The following RNF17 variants were observed in gnomAD, a reference collection of about 807,000 sequenced individuals.
RNF17 encodes ring finger protein 17.
A neutral mutation model predicts 200.5 loss-of-function variants in RNF17; 31 were observed. That is an observed-to-expected ratio of 0.15 (90% CI 0.12 to 0.21). The LOEUF is 0.21. Among genes scored for constraint, RNF17 ranks in the 10% least tolerant of loss-of-function variants. The probability of loss-of-function intolerance (pLI) is 1.00; values close to 1 mark genes in which losing one functional copy is unlikely to be tolerated. For synonymous variants in RNF17, 606 were observed against 637.8 expected (o/e 0.95, Z 0.75); for missense variants, 1,628 against 1,905.1 (o/e 0.85, Z 2.71).
At chr13:24,885,667 T>A in the RNF17 span, 1 of 1,610,748 alleles carries the variant, frequency 6.2e-7, no homozygotes, top group Non-Finnish European at 8.5e-7. Flanking sequence ...TCGAGGTGGA[T>A]TGCCTATTAG....
the RNF17 span, among the ~76,000 whole-genome samples, chr13:24,886,991 C>G: frequency 6.6e-6 from 1 of 152,038 alleles, no homozygotes; most frequent in South Asian, 2.1e-4. Context: ...AGCACACTGT[C>G]TAGAGGACTG....
At chr13:24,813,345 A>G (rs1293638734) in intron 15 of RNF17, among the ~76,000 whole-genome samples, 5 of 151,946 alleles carry the variant, frequency 3.3e-5, no homozygotes, top group African/African-American at 1.2e-4. Context: ...TTGTAGACAC[A>G]GGGTCTTGCT....
At chr13:24,883,821 T>C (rs369590525), downstream of RNF17, 36 of 881,714 alleles carry the variant, frequency 4.1e-5, no homozygotes, top group African/African-American at 4.6e-4. Context: ...TTGACTGACA[T>C]GCCTGTGGGA....
At chr13:24,806,418 G>A (rs576612872) in intron 15 of RNF17, among the ~76,000 whole-genome samples, 44 of 152,226 alleles carry the variant, frequency 2.9e-4, no homozygotes, top group African/African-American at 1.1e-3. Flanking sequence ...TCTGGTTCTA[G>A]ATCCTTGAGG....
chr13:24,749,405 G>C, the RNF17 span, among the ~76,000 whole-genome samples: 1 of 148,716 alleles, frequency 6.7e-6, no homozygotes, highest in Admixed American at 6.9e-5. Context: ...CCGGGTTCAA[G>C]CAATTCTCCT....
At chr13:24,861,600 G>A (rs748051929) in intron 27 of RNF17, among the ~76,000 whole-genome samples, 3 of 152,170 alleles carry the variant, frequency 2.0e-5, no homozygotes, top group Non-Finnish European at 2.9e-5. Flanking sequence ...TAAATGAAGA[G>A]ACATGTTCAT....
intron 33 of RNF17, among the ~76,000 whole-genome samples, chr13:24,876,720 TTAGAG>T (rs917607567): frequency 8.0e-4 from 121 of 152,162 alleles, no homozygotes; most frequent in African/African-American, 2.8e-3. Flanking sequence ...TTGTAGATCT[TTAGAG>T]TAATGTCCGT....
chr13:24,832,047 A>G, intron 18 of RNF17, 69 bp downstream of exon 18: 1 of 1,129,730 alleles, frequency 8.9e-7, no homozygotes, highest in Admixed American at 2.8e-5. Context: ...AACATTTGTC[A>G]AATTTTAGAA....
chr13:24,749,241 G>C, the RNF17 span, among the ~76,000 whole-genome samples: 47 of 151,730 alleles, frequency 3.1e-4, no homozygotes, highest in Admixed American at 1.2e-3. Context: ...CAGCTGACTT[G>C]CAGAAAGATG....
Position 24,845,002 on chromosome 13 carries a change from T to C in RNF17, c.3024T>C (p.Val1008=), listed in dbSNP as rs761422082. ...TGGGTGTTGAACTAGTAGTGAATGT[T>C]GACTGTTTAAGAAAACTTGAAGAAA... ...YDVGVELVVN[V]DCLRKLEENL... is the part of the protein sequence containing the mutation. Residue 1008 remains valine, a synonymous_variant, in exon 22 of 36, where the codon GTT becomes GTC. Transcript: ENST00000255324. 1.2e-6 allele frequency: 2 copies of C among 1,607,726 alleles called. No homozygotes were observed. The highest frequency in any genetic ancestry group is 1.7e-6 in the Non-Finnish European group (2 of 1,174,466).
chr13:24,826,048 T>C lies in RNF17; in HGVS notation c.2245+276T>C, dbSNP rs1888587674. ...ATTAATTATTCAAAAACCGGTGAAC[T>C]CTAGTTTGATGTTGACTGTTTGTCT... is the stretch of plus-strand genomic sequence containing the variant. On this transcript the variant is annotated intron_variant, in intron 16 of 35. Transcript: ENST00000255324. The C allele has an allele frequency of 6.1e-6, 6 of 984,690 alleles. No individual in the cohort carries two copies. The South Asian group carries it at 2.4e-4, about 39-fold the overall frequency. The allele number at this position is 984,690 out of a possible 1,614,324, so 61.0% of individuals were successfully genotyped here. A position where few individuals can be genotyped will look rare whatever the true frequency, so the allele number is the denominator to read the frequency against.
downstream of RNF17, among the ~76,000 whole-genome samples, chr13:24,881,870 AC>A (rs1180857552): frequency 3.8e-4 from 28 of 73,122 alleles, no homozygotes; most frequent in African/African-American, 1.3e-3. Context: ...ATATATAGAT[AC>A]ATCTATATAG....
At chr13:24,763,293 C>T (rs1396606464), upstream of RNF17, among the ~76,000 whole-genome samples, 3 of 151,518 alleles carry the variant, frequency 2.0e-5, no homozygotes, top group African/African-American at 7.3e-5. Context: ...AGCTCCGCCT[C>T]CCAGGTTCAC....
At chr13:24,809,891 G>A (rs1442374161) in intron 15 of RNF17, among the ~76,000 whole-genome samples, 118 of 151,978 alleles carry the variant, frequency 7.8e-4, no homozygotes, top group Non-Finnish European at 1.1e-3. Flanking sequence ...CCTTCATTTC[G>A]TTATGTACCC....
At chr13:24,767,791 A>C (rs899755862) in intron 2 of RNF17, among the ~76,000 whole-genome samples, 1 of 151,962 alleles carries the variant, frequency 6.6e-6, no homozygotes, top group Non-Finnish European at 1.5e-5. Flanking sequence ...TTGCTGCTGA[A>C]TCTTTAAGCA....
In RNF17 at chr13:24,845,154, A is replaced by G. The variant is rs1016379426; in HGVS notation, c.3101+75A>G. The G allele has an allele frequency of 1.1e-5, 9 of 806,876 alleles. No individual in the cohort carries two copies. In the African/African-American group the frequency reaches 1.6e-4, roughly 14 times the overall value. The allele number at this position is 806,876 out of a possible 1,614,324, so 50.0% of individuals were successfully genotyped here. A position where few individuals can be genotyped will look rare whatever the true frequency, so the allele number is the denominator to read the frequency against. On this transcript the variant is annotated intron_variant, in intron 22 of 35. Transcript: ENST00000255324. ...CGTTCTCGTCAGTTTTAATTTTGCTAAGATATTCTGAAATTTTCCTAAAAT... is the reference window on the plus strand; with the variant it reads ...CGTTCTCGTCAGTTTTAATTTTGCTGAGATATTCTGAAATTTTCCTAAAAT...
chr13:24,854,467 A>ATT (rs11395842), intron 25 of RNF17, among the ~76,000 whole-genome samples: 49 of 149,028 alleles, frequency 3.3e-4, no homozygotes, highest in Admixed American at 4.7e-4. Context: ...TCAGATGCCA[A>ATT]TTTTTTTTTT....
chr13:24,874,089 T>G (rs774996238), intron 32 of RNF17, 25 bp from the exon 33 acceptor site: 3 of 1,602,518 alleles, frequency 1.9e-6, no homozygotes, highest in African/African-American at 2.7e-5. Flanking sequence ...ACAATATGAT[T>G]TTTTCCCTTT....
intron 22 of RNF17, 86 bp from the exon 23 acceptor site, chr13:24,850,255 A>C: frequency 5.1e-6 from 4 of 778,266 alleles, no homozygotes; most frequent in Non-Finnish European, 8.7e-6. Context: ...CTATGAGTGT[A>C]TCTGTGTGTA....
Sources: gnomAD v4.1 joint callset for allele counts (sites outside exome capture counted in the v4.1 genomes callset) on GRCh38, gnomAD v4.1.1 for gene constraint, MANE v1.5 for transcripts, NCBI Gene and HGNC (gene_info 2026-07-23, HGNC 2026-07-21) for gene names.